CATSPERE: variants seen among roughly 807,000 people sequenced by gnomAD.
The protein encoded by CATSPERE is cation channel sperm-associated auxiliary subunit epsilon.
CATSPERE carries 93 observed loss-of-function variants against 114.1 expected under a neutral mutation model. The ratio of observed to expected loss-of-function variants is 0.81; its 90% CI spans 0.69 to 0.97. CATSPERE has a LOEUF of 0.97. CATSPERE is among the 50% of genes least tolerant of loss of function. CATSPERE has a pLI of 0.00. For synonymous variants in CATSPERE, 341 were observed against 384.1 expected (o/e 0.89, Z 1.31); for missense variants, 1,058 against 1,131.6 (o/e 0.93, Z 0.93).
At chr1:244,462,153 T>G (rs1038710956) in intron 1 of CATSPERE, among the ~76,000 whole-genome samples, 3 of 152,174 alleles carry the variant, frequency 2.0e-5, no homozygotes, top group African/African-American at 4.8e-5. Flanking sequence ...CTTACATTCC[T>G]CTCACCTTGT....
At position 244,479,028 on chromosome 1, in the gene CATSPERE, C is replaced by CAA. The variant is rs1161485991; in HGVS notation, c.259-665_259-664dup. Among the ~76,000 whole-genome samples, 451 of 47,028 alleles carry CAA rather than the reference C, an allele frequency of 9.6e-3. 12 individuals are homozygous for CAA. Among genetic ancestry groups the CAA allele is most frequent in the Admixed American group, 0.014 (47 of 3,292 alleles). 30.9% of individuals were successfully genotyped at this position (47,028 alleles called of 152,430 possible). A position where few individuals can be genotyped will look rare whatever the true frequency, so the allele number is the denominator to read the frequency against. ...GGGGGACAAGAGCCAAACTTCGTCTCAAAAAAAAAAAAAAAAAAAAAAAAA... is the reference window on the plus strand; with the variant it reads ...GGGGGACAAGAGCCAAACTTCGTCTCAAAAAAAAAAAAAAAAAAAAAAAAAAA... On this transcript the variant is annotated intron_variant, in intron 4 of 21. Coordinates refer to ENST00000366534, the MANE Select transcript of CATSPERE (RefSeq NM_001130957.2).
chr1:244,503,119 ATTG>A (rs1419432391), intron 7 of CATSPERE, among the ~76,000 whole-genome samples: 1 of 152,188 alleles, frequency 6.6e-6, no homozygotes, highest in Admixed American at 6.5e-5. Context: ...TGTTGCCAGA[ATTG>A]GCTAGATTAA....
At chr1:244,507,140 C>T (rs1674950256) in intron 7 of CATSPERE, among the ~76,000 whole-genome samples, 1 of 151,894 alleles carries the variant, frequency 6.6e-6, no homozygotes, top group Non-Finnish European at 1.5e-5. Context: ...ACTGCATTTT[C>T]TTTACCCATT....
chr1:244,489,996 C>T lies in CATSPERE; in HGVS notation c.327-451C>T, dbSNP rs569838530. ...CATTTAACAGGTTATTGTTGGCAGA[C>T]GAGCATTCAGTGGAGATTGTAAAGT... On this transcript the variant is annotated intron_variant, in intron 5 of 21. Transcript: ENST00000366534. 7.9e-5 allele frequency among the ~76,000 whole-genome samples: 12 copies of T among 152,140 alleles called. 1 individual carries two copies. Among genetic ancestry groups the T allele is most frequent in the Admixed American group, 2.0e-4 (3 of 15,272 alleles).
At chr1:244,577,297 CT>C (rs1299349603) in intron 11 of CATSPERE, among the ~76,000 whole-genome samples, 2 of 151,360 alleles carry the variant, frequency 1.3e-5, no homozygotes, top group Non-Finnish European at 2.9e-5. Context: ...TATATAATTA[CT>C]TATTTTAAAT....
chr1:244,625,716 C>T (rs1316713998), intron 20 of CATSPERE, among the ~76,000 whole-genome samples: 6 of 151,190 alleles, frequency 4.0e-5, no homozygotes, highest in South Asian at 4.2e-4. Context: ...TGTGAGCCAC[C>T]GCGCCTGGCC....
At chr1:244,553,830 A>T (rs995309275) in intron 9 of CATSPERE, among the ~76,000 whole-genome samples, 8 of 151,340 alleles carry the variant, frequency 5.3e-5, no homozygotes, top group African/African-American at 1.9e-4. Flanking sequence ...CCTCCCACGC[A>T]CCCCTCTCCT....
chr1:244,538,468 T>C (rs1412819529), intron 8 of CATSPERE, among the ~76,000 whole-genome samples: 1 of 152,144 alleles, frequency 6.6e-6, no homozygotes, highest in Non-Finnish European at 1.5e-5. Context: ...GATGGTAGAA[T>C]TGGAGTTCTC....
chr1:244,634,360 T>TAC (rs1674354223), intron 20 of CATSPERE, among the ~76,000 whole-genome samples: 1 of 152,180 alleles, frequency 6.6e-6, no homozygotes, highest in Non-Finnish European at 1.5e-5. Flanking sequence ...ATACCTGTCT[T>TAC]ACAGTATTCT....
At chr1:244,538,806 G>C (rs1680757114) in intron 8 of CATSPERE, among the ~76,000 whole-genome samples, 1 of 152,128 alleles carries the variant, frequency 6.6e-6, no homozygotes, top group South Asian at 2.1e-4. Context: ...GGACACATTG[G>C]GAGTACCAGC....
At position 244,544,358 on chromosome 1, in the gene CATSPERE, TA is replaced by T. The variant is rs368541729; in HGVS notation, c.537-7963del. Among the ~76,000 whole-genome samples, 81 of 152,344 alleles carry T rather than the reference TA, an allele frequency of 5.3e-4. 1 individual carries two copies. In the East Asian group the frequency reaches 7.9e-3, roughly 15 times the overall value. On this transcript the variant is annotated intron_variant, in intron 8 of 21. Coordinates refer to ENST00000366534, the MANE Select transcript of CATSPERE (RefSeq NM_001130957.2). ...GATCCAAAATGTCACCATGGGCCTCTATCAGAATGCGGGCTTATGGAGGTTA... is the reference window on the plus strand; with the variant it reads ...GATCCAAAATGTCACCATGGGCCTCTTCAGAATGCGGGCTTATGGAGGTTA...
At chr1:244,585,917 T>C (rs1336211884) in intron 13 of CATSPERE, among the ~76,000 whole-genome samples, 1 of 152,308 alleles carries the variant, frequency 6.6e-6, no homozygotes, top group South Asian at 2.1e-4. Context: ...CGAGATGAAC[T>C]TTCCCTGGGA....
chr1:244,461,498 G>C lies in CATSPERE; in HGVS notation c.65+4G>C. The C allele has an allele frequency of 1.5e-6, 2 of 1,315,692 alleles. No homozygotes were observed. The highest frequency in any genetic ancestry group is 2.0e-6 in the Non-Finnish European group (2 of 1,023,660). 81.5% of individuals were successfully genotyped at this position (1,315,692 alleles called of 1,614,324 possible). The stretch of plus-strand genomic sequence containing the variant: ...GCTATGGCTCCGCCCTTTGGAGGTA[G>C]AGAGACGCCAGTCGCAGGCGAGCGA... On this transcript the variant is annotated splice_donor_region_variant and intron_variant, in intron 1 of 21. Transcript: ENST00000366534.
intron 8 of CATSPERE, among the ~76,000 whole-genome samples, chr1:244,547,122 C>G (rs1659879573): frequency 6.6e-6 from 1 of 152,112 alleles, no homozygotes; most frequent in Admixed American, 6.5e-5. Flanking sequence ...TTCCAATACA[C>G]CTAGCATCAG....
intron 9 of CATSPERE, 37 bp from the exon 10 acceptor site, chr1:244,560,631 T>C: frequency 4.1e-6 from 5 of 1,230,912 alleles, no homozygotes; most frequent in Non-Finnish European, 4.3e-6. Flanking sequence ...GTCTCTAAAA[T>C]CGAAGATCTT....
chr1:244,597,087 T>C (rs1668539446), intron 17 of CATSPERE, among the ~76,000 whole-genome samples: 1 of 152,164 alleles, frequency 6.6e-6, no homozygotes, highest in Admixed American at 6.5e-5. Context: ...TGTCCTCCTC[T>C]TTCTCCTGTA....
At chr1:244,556,487 A>T (rs1015654259) in intron 9 of CATSPERE, among the ~76,000 whole-genome samples, 2 of 152,010 alleles carry the variant, frequency 1.3e-5, no homozygotes, top group African/African-American at 4.8e-5. Context: ...ATTTTTTTTT[A>T]AAAGACCAAA....
chr1:244,564,184 GT>G (rs1457796165), intron 10 of CATSPERE, among the ~76,000 whole-genome samples: 1 of 152,140 alleles, frequency 6.6e-6, no homozygotes, highest in Non-Finnish European at 1.5e-5. Flanking sequence ...GTCAGGTAGC[GT>G]GATACCTCTA....
At chr1:244,517,996 A>G (rs1360495657) in intron 7 of CATSPERE, among the ~76,000 whole-genome samples, 1 of 152,184 alleles carries the variant, frequency 6.6e-6, no homozygotes, top group Non-Finnish European at 1.5e-5. Context: ...ATAGAATTCT[A>G]GACTAGCCCT....
Sources: allele counts gnomAD v4.1 joint callset (sites outside exome capture counted in the v4.1 genomes callset), GRCh38; gene constraint gnomAD v4.1.1; transcripts MANE v1.5; gene names NCBI Gene and HGNC (gene_info 2026-07-23, HGNC 2026-07-21).